Variants in IQSEC3 observed in about 807,000 individuals in gnomAD.
IQSEC3 encodes the protein IQ motif and SEC7 domain-containing protein 3.
A neutral mutation model predicts 105.4 loss-of-function variants in IQSEC3; 50 were observed. The observed-to-expected ratio is 0.47, with a 90% CI of 0.38 to 0.60. IQSEC3 has a LOEUF of 0.60. IQSEC3 is among the 20% of genes least tolerant of loss of function. The probability of loss-of-function intolerance (pLI) is 0.00; values close to 1 mark genes in which losing one functional copy is unlikely to be tolerated. For missense variants in IQSEC3, 1,415 were observed against 1,630.0 expected (o/e 0.87, Z 2.27); for synonymous variants, 708 against 746.0 (o/e 0.95, Z 0.83).
At chr12:96,750 G>C (rs1864252712) in intron 1 of IQSEC3, among the ~76,000 whole-genome samples, 2 of 152,142 alleles carry the variant, frequency 1.3e-5, no homozygotes, top group Non-Finnish European at 2.9e-5. Flanking sequence ...AATTCCTAAG[G>C]GAGGAGGGAT....
intron 1 of IQSEC3, among the ~76,000 whole-genome samples, chr12:89,310 T>C (rs1555072823): frequency 6.6e-6 from 1 of 151,396 alleles, no homozygotes; most frequent in South Asian, 2.1e-4. Flanking sequence ...TTTCTACTGC[T>C]TGGAAGGGGG....
intron 1 of IQSEC3, among the ~76,000 whole-genome samples, chr12:68,317 T>A (rs1863178342): frequency 6.6e-6 from 1 of 152,198 alleles, no homozygotes; most frequent in African/African-American, 2.4e-5. Flanking sequence ...GGAGTTGGTA[T>A]TCAGATGCCA....
At chr12:109,298 A>G (rs1864790270) in intron 2 of IQSEC3, among the ~76,000 whole-genome samples, 2 of 152,168 alleles carry the variant, frequency 1.3e-5, no homozygotes, top group South Asian at 2.1e-4. Flanking sequence ...TCAGTTAGCC[A>G]CAGTCCCCAT....
rs11064505 is a variant in IQSEC3, at chr12:107,676, C to G, written c.623+8462C>G. Among the ~76,000 whole-genome samples, 119 of 152,202 alleles carry G rather than the reference C, an allele frequency of 7.8e-4. 2 individuals carry two copies. The East Asian group carries it at 0.02, about 26-fold the overall frequency. The stretch of plus-strand genomic sequence containing the variant: ...CCGCCCACCTCGGCCTCCCAAAGTG[C>G]TGGGATTACAGGCGTGAGCCACCGC... On this transcript the variant is annotated intron_variant, in intron 2 of 13. Transcript: ENST00000538872.
chr12:108,858 G>T (rs7132589), intron 2 of IQSEC3, among the ~76,000 whole-genome samples: 43,136 of 152,166 alleles, frequency 0.28, 7,191 homozygotes, highest in East Asian at 0.74. Context: ...TGCTTTGAAG[G>T]CACCATCCGT....
chr12:157,633 C>T lies in IQSEC3; in HGVS notation c.2382C>T (p.Tyr794=). The change falls in exon 7 of 14, where the codon TAC becomes TAT. Residue 794 remains tyrosine, a synonymous_variant. Transcript: ENST00000538872. ...FAIILLNTDM[Y]SPNIKPDRKM... is the part of the protein sequence containing the mutation. ...TCATCCTCCTCAACACCGACATGTA[C>T]AGCCCCAACATCAAGCCTGACCGGA... 1 of 1,614,232 alleles carries T rather than the reference C, an allele frequency of 6.2e-7. No homozygotes were observed. Among genetic ancestry groups the T allele is most frequent in the Non-Finnish European group, 8.5e-7 (1 of 1,180,038 alleles).
intron 5 of IQSEC3, among the ~76,000 whole-genome samples, chr12:155,182 G>A (rs1279545249): frequency 2.6e-5 from 4 of 152,216 alleles, no homozygotes; most frequent in African/African-American, 7.2e-5. Flanking sequence ...GAGGGCCACC[G>A]GGAAATCAGA....
chr12:68,823 A>C (rs1268978009), intron 1 of IQSEC3, among the ~76,000 whole-genome samples: 1 of 152,272 alleles, frequency 6.6e-6, no homozygotes, highest in East Asian at 1.9e-4. Flanking sequence ...GGTAGCTCAC[A>C]GAGCACGTTG....
intron 1 of IQSEC3, among the ~76,000 whole-genome samples, chr12:85,209 G>T (rs1422536042): frequency 2.0e-5 from 3 of 152,160 alleles, no homozygotes; most frequent in Non-Finnish European, 4.4e-5. Flanking sequence ...CGAAAGGTGG[G>T]TTAGGAACGC....
intron 2 of IQSEC3, among the ~76,000 whole-genome samples, chr12:122,172 G>A (rs1342368203): frequency 1.3e-5 from 2 of 152,222 alleles, no homozygotes; most frequent in Non-Finnish European, 2.9e-5. Flanking sequence ...CGAGCACGGA[G>A]ATGGGCAAGG....
rs1555083170 is a variant in IQSEC3 at position 125,807 on chromosome 12, C to T, written c.798C>T (p.His266=). ...GAASPRAGPQ[H]KASPGRQQPA... ...CCTCCCCAAGGGCTGGCCCCCAGCACAAGGCCTCCCCCGGCCGGCAGCAGC... is the reference window on the plus strand; with the variant it reads ...CCTCCCCAAGGGCTGGCCCCCAGCATAAGGCCTCCCCCGGCCGGCAGCAGC... Residue 266 remains histidine, a synonymous_variant, in exon 3 of 14, where the codon CAC becomes CAT. Coordinates refer to ENST00000538872, the MANE Select transcript of IQSEC3 (RefSeq NM_001170738.2). 2.6e-6 allele frequency: 4 copies of T among 1,526,458 alleles called. No homozygotes were observed. Among genetic ancestry groups the T allele is most frequent in the East Asian group, 2.5e-5 (1 of 40,562 alleles). 94.6% of individuals were successfully genotyped at this position (1,526,458 alleles called of 1,614,324 possible).
In IQSEC3 at chr12:174,757, G is replaced by C; in HGVS notation, c.3273G>C (p.Val1091=). The C allele has an allele frequency of 6.3e-7, 1 of 1,591,242 alleles. No individual in the cohort carries two copies. The highest frequency in any genetic ancestry group is 8.5e-7 in the Non-Finnish European group (1 of 1,177,218). The change falls in exon 14 of 14, where the codon GTG becomes GTC. Residue 1091 remains valine, a synonymous_variant. Coordinates refer to ENST00000538872, the MANE Select transcript of IQSEC3 (RefSeq NM_001170738.2). ...CACCCACGCCCCCGGGCACCCTGGT[G>C]CAGTGCCAGCAAATTGTCAAGGTCA... The part of the protein sequence containing the change: ...PPPPTPPGTL[V]QCQQIVKVIV...
At chr12:99,257 C>G in intron 2 of IQSEC3, 43 bp downstream of exon 2, 1 of 1,558,158 alleles carries the variant, frequency 6.4e-7, no homozygotes, top group South Asian at 1.1e-5. Context: ...CCCCACCTTC[C>G]TTCCTGTTAC....
At chr12:167,780 T>C (rs1938750683) in intron 11 of IQSEC3, 1 of 152,164 alleles carries the variant, frequency 6.6e-6, no homozygotes, top group Non-Finnish European at 1.5e-5. Context: ...ACAACAGCTT[T>C]CCACAGTGGG....
At chr12:98,587 C>T (rs1425322067) in intron 1 of IQSEC3, among the ~76,000 whole-genome samples, 1 of 152,200 alleles carries the variant, frequency 6.6e-6, no homozygotes, top group African/African-American at 2.4e-5. Context: ...TCCCTGCCTT[C>T]TGCGTTGGCT....
chr12:117,197 A>T (rs1304763932), intron 2 of IQSEC3, among the ~76,000 whole-genome samples: 1 of 152,076 alleles, frequency 6.6e-6, no homozygotes, highest in African/African-American at 2.4e-5. Flanking sequence ...TCCTGGGGTA[A>T]TCACAAGAGC....
At chr12:117,494 C>A (rs148919342) in intron 2 of IQSEC3, among the ~76,000 whole-genome samples, 144 of 152,350 alleles carry the variant, frequency 9.5e-4, no homozygotes, top group South Asian at 4.1e-3. Context: ...CCAGAGGAGG[C>A]CTTCCTGTGG....
In IQSEC3 at chr12:138,469, C is replaced by G; in HGVS notation, c.1106C>G (p.Ala369Gly). 6.2e-7 allele frequency: 1 copy of G among 1,600,606 alleles called. No individual in the cohort carries two copies. Among genetic ancestry groups the G allele is most frequent in the South Asian group, 1.1e-5 (1 of 90,516 alleles). Residue 369 changes from alanine to glycine, a missense_variant, in exon 4 of 14, where the codon GCG becomes GGG. This residue lies in a region of IQSEC3 where 720 missense variants were observed against 633.0 expected (regional missense o/e 1.14). Transcript: ENST00000538872. The surrounding 1 kb of genome is among the most constrained non-coding windows in gnomAD (Gnocchi z 7.1). Reference sequence around the variant, plus strand: ...GCCGAGAGCCTGGCGGCCGAGAAAGCGCTCATGGAGGGCTACGGCCTCGTG... The same window carrying G: ...GCCGAGAGCCTGGCGGCCGAGAAAGGGCTCATGGAGGGCTACGGCCTCGTG... Reference protein sequence around the residue: ...PTAESLAAEKALMEGYGLVGL... With the variant: ...PTAESLAAEKGLMEGYGLVGL...
At chr12:169,129 C>A (rs781824615) in intron 12 of IQSEC3, 24 bp downstream of exon 12, 1 of 1,604,352 alleles carries the variant, frequency 6.2e-7, no homozygotes, top group African/African-American at 1.3e-5. Context: ...CCGCTCAGGG[C>A]ACCAGTCCCC....
Sources: gnomAD v4.1 joint callset for allele counts (sites outside exome capture counted in the v4.1 genomes callset) on GRCh38, gnomAD v4.1.1 for gene constraint, gnomAD v4.1.1 regional missense constraint, Gnocchi (gnomAD v3.1) non-coding constraint, MANE v1.5 for transcripts, NCBI Gene and HGNC (gene_info 2026-07-23, HGNC 2026-07-21) for gene names.